Variants in CABP7 observed in about 807,000 individuals in gnomAD.
CABP7 encodes the protein calcium-binding protein 7.
Under a neutral mutation model 23.1 loss-of-function variants are expected in CABP7, and 13 were observed. The ratio of observed to expected loss-of-function variants is 0.56; its 90% CI spans 0.37 to 0.90. CABP7 has a LOEUF of 0.90. Among genes scored for constraint, CABP7 ranks in the 40% least tolerant of loss-of-function variants. The pLI, the probability that CABP7 is intolerant of heterozygous loss-of-function variation, is 0.01. For synonymous variants in CABP7, 123 were observed against 115.3 expected (o/e 1.07, Z -0.43); for missense variants, 248 against 295.6 (o/e 0.84, Z 1.18).
Position 29,731,630 on chromosome 22 carries a change from T to G in CABP7, c.*2061T>G. 2.4e-6 allele frequency: 1 copy of G among 410,486 alleles called. No individual in the cohort carries two copies. Among genetic ancestry groups the G allele is most frequent in the Non-Finnish European group, 4.3e-6 (1 of 231,438 alleles). 25.4% of individuals were successfully genotyped at this position (410,486 alleles called of 1,614,324 possible). A position where few individuals can be genotyped will look rare whatever the true frequency, so the allele number is the denominator to read the frequency against. On this transcript the variant is annotated 3_prime_UTR_variant, in exon 5 of 5. Coordinates refer to ENST00000216144, the MANE Select transcript of CABP7 (RefSeq NM_182527.3). ...GTCCACCTGTGGGGGACTGATTCAA[T>G]ACATATGCACGTCCACAGCAGAGAA...
chr22:29,727,878 A>G lies in CABP7; in HGVS notation c.253+73A>G. On this transcript the variant is annotated intron_variant, in intron 2 of 4. Transcript: ENST00000216144. This position sits in a 1 kb window ranked among gnomAD's most constrained non-coding sequence, Gnocchi z 4.2. Reference sequence around the variant, plus strand: ...GGGGTGGGGCAGGGGCTGGGGCCTGAGCTGCTGAGGCTGCATCCAAATTGG... The same window carrying G: ...GGGGTGGGGCAGGGGCTGGGGCCTGGGCTGCTGAGGCTGCATCCAAATTGG... 1 of 1,522,654 alleles carries G rather than the reference A, an allele frequency of 6.6e-7. No homozygotes were observed. Among genetic ancestry groups the G allele is most frequent in the East Asian group, 2.3e-5 (1 of 42,964 alleles). The allele number at this position is 1,522,654 out of a possible 1,614,324, so 94.3% of individuals were successfully genotyped here. A position where few individuals can be genotyped will look rare whatever the true frequency, so the allele number is the denominator to read the frequency against.
Position 29,727,775 on chromosome 22 carries a change from GAGGT to G in CABP7, c.224_227del (p.Glu75AlafsTer20). The G allele has an allele frequency of 6.2e-7, 1 of 1,612,162 alleles. No homozygotes were observed. Among genetic ancestry groups the G allele is most frequent in the Non-Finnish European group, 8.5e-7 (1 of 1,179,048 alleles). ...TTACATGCCCAACGAGGTGGAGCTG[GAGGT>G]CATCATCCAGCGGCTGGACATGGAT... On this transcript the variant is annotated frameshift_variant, in exon 2 of 5. Coordinates refer to ENST00000216144, the MANE Select transcript of CABP7 (RefSeq NM_182527.3). LOFTEE classifies it high-confidence loss of function. The surrounding 1 kb of genome is among the most constrained non-coding windows in gnomAD (Gnocchi z 4.2).
chr22:29,722,685 G>A (rs1340545273), intron 1 of CABP7, among the ~76,000 whole-genome samples: 2 of 152,246 alleles, frequency 1.3e-5, no homozygotes, highest in African/African-American at 4.8e-5. Flanking sequence ...TTCCTGGCAC[G>A]GATCCCCCTC....
Position 29,720,165 on chromosome 22 carries a change from G to C in CABP7, c.-260G>C, listed in dbSNP as rs1356264111. On this transcript the variant is annotated 5_prime_UTR_variant, in exon 1 of 5. Coordinates refer to ENST00000216144, the MANE Select transcript of CABP7 (RefSeq NM_182527.3). This position sits in a 1 kb window ranked among gnomAD's most constrained non-coding sequence, Gnocchi z 5.2. ...ACCGCGCGAGGCAGCCGGAGCTCTC[G>C]GAAAGGCCAGAGCGGCGCCGCCCCC... The C allele has an allele frequency of 6.8e-6, 1 of 146,936 alleles. No individual in the cohort carries two copies. Among genetic ancestry groups the C allele is most frequent in the Non-Finnish European group, 1.5e-5 (1 of 65,988 alleles). 9.1% of individuals were successfully genotyped at this position (146,936 alleles called of 1,614,324 possible). A position where few individuals can be genotyped will look rare whatever the true frequency, so the allele number is the denominator to read the frequency against.
chr22:29,728,267 G>A (rs1287589954), intron 2 of CABP7, among the ~76,000 whole-genome samples: 1 of 152,192 alleles, frequency 6.6e-6, no homozygotes, highest in Admixed American at 6.5e-5. Flanking sequence ...AGCCTTGGCA[G>A]GTTGCCCCAC....
Position 29,728,711 on chromosome 22 carries a change from A to T in CABP7, c.335A>T (p.His112Leu), listed in dbSNP as rs751864377. The stretch of plus-strand genomic sequence containing the variant: ...ACCTCAGGGATCCCAGAGAAGTTCC[A>T]TGGCACCGACTTTGATACTGTCTTC... ...LSTSGIPEKF[H>L]GTDFDTVFWK... is the part of the protein sequence containing the mutation. The change falls in exon 3 of 5, where the codon CAT becomes CTT. Residue 112 changes from histidine (H) to leucine (L), a missense_variant. Physicochemically the swap from His to Leu is moderately conservative, Grantham distance 99. Coordinates refer to ENST00000216144, the MANE Select transcript of CABP7 (RefSeq NM_182527.3). The T allele has an allele frequency of 1.9e-5, 31 of 1,613,588 alleles. No individual in the cohort carries two copies. Among genetic ancestry groups the T allele is most frequent in the Non-Finnish European group, 2.5e-5 (30 of 1,179,780 alleles).
intron 1 of CABP7, among the ~76,000 whole-genome samples, chr22:29,725,782 CGA>C (rs34674413): frequency 0.31 from 47,510 of 152,036 alleles, 7,536 homozygotes; most frequent in Non-Finnish European, 0.33. Flanking sequence ...CCCACAGGAC[CGA>C]GAGGGCCCCT....
In CABP7 at chr22:29,728,791, T is replaced by C. The variant is rs73390970; in HGVS notation, c.366+49T>C. 13,141 of 1,372,702 alleles carry C rather than the reference T, an allele frequency of 9.6e-3. 994 individuals are homozygous for C. In the African/African-American group the frequency reaches 0.16, roughly 17 times the overall value. The allele number at this position is 1,372,702 out of a possible 1,614,324, so 85.0% of individuals were successfully genotyped here. A position where few individuals can be genotyped will look rare whatever the true frequency, so the allele number is the denominator to read the frequency against. Reference sequence around the variant, plus strand: ...CAGGGCTGTGCACACTGTGGAGTTCTGTTCTGGAGCCAGTGAATGGCTGGG... The same window carrying C: ...CAGGGCTGTGCACACTGTGGAGTTCCGTTCTGGAGCCAGTGAATGGCTGGG... On this transcript the variant is annotated intron_variant, in intron 3 of 4. Coordinates refer to ENST00000216144, the MANE Select transcript of CABP7 (RefSeq NM_182527.3).
At chr22:29,726,585 C>T (rs534171007) in intron 1 of CABP7, among the ~76,000 whole-genome samples, 1 of 152,344 alleles carries the variant, frequency 6.6e-6, no homozygotes, top group South Asian at 2.1e-4. Flanking sequence ...CGTGTCTCTA[C>T]TTTTAAACAC....
rs542095847 is a variant in CABP7 at position 29,730,892 on chromosome 22, C to A, written c.*1323C>A. ...CTCATCTGATTCCCTCCTTGCCCGA[C>A]CTCTGCTAGGGGCTGGAGAACAGAG... On this transcript the variant is annotated 3_prime_UTR_variant, in exon 5 of 5. Coordinates refer to ENST00000216144, the MANE Select transcript of CABP7 (RefSeq NM_182527.3). 1.1e-5 allele frequency: 2 copies of A among 189,370 alleles called. No individual in the cohort carries two copies. The highest frequency in any genetic ancestry group is 4.7e-5 in the African/African-American group (2 of 42,988). 11.7% of individuals were successfully genotyped at this position (189,370 alleles called of 1,614,324 possible). A position where few individuals can be genotyped will look rare whatever the true frequency, so the allele number is the denominator to read the frequency against.
chr22:29,728,807 A>G (rs968352023), intron 3 of CABP7, 65 bp downstream of exon 3: 1 of 1,255,898 alleles, frequency 8.0e-7, no homozygotes, highest in Non-Finnish European at 1.2e-6. Flanking sequence ...GGAGCCAGTG[A>G]ATGGCTGGGC....
chr22:29,729,081 T>C lies in CABP7; in HGVS notation c.393T>C (p.Asp131=), dbSNP rs760299787. The stretch of plus-strand genomic sequence containing the variant: ...GCGACATGCAGAAGCTGACGGTGGA[T>C]GAGCTGAAGCGGCTGCTCTACGACA... ...WKCDMQKLTV[D]ELKRLLYDTF... The change falls in exon 4 of 5, where the codon GAT becomes GAC. Residue 131 remains aspartate (D), a synonymous_variant. Coordinates refer to ENST00000216144, the MANE Select transcript of CABP7 (RefSeq NM_182527.3). The C allele has an allele frequency of 6.2e-7, 1 of 1,611,490 alleles. No individual in the cohort carries two copies. The highest frequency in any genetic ancestry group is 1.7e-5 in the Admixed American group (1 of 60,026).
chr22:29,729,023 T>C, intron 3 of CABP7, 32 bp from the exon 4 acceptor site: 1 of 1,599,434 alleles, frequency 6.3e-7, no homozygotes. Context: ...CTGCGGTGGC[T>C]CTCAGAGCAC....
At position 29,720,546 on chromosome 22, in the gene CABP7, C is replaced by CGCT; in HGVS notation, c.109+14_109+15insCTG. 1 of 1,508,100 alleles carries CGCT rather than the reference C, an allele frequency of 6.6e-7. No individual in the cohort carries two copies. The highest frequency in any genetic ancestry group is 8.9e-7 in the Non-Finnish European group (1 of 1,123,884). The allele number at this position is 1,508,100 out of a possible 1,614,324, so 93.4% of individuals were successfully genotyped here. A position where few individuals can be genotyped will look rare whatever the true frequency, so the allele number is the denominator to read the frequency against. On this transcript the variant is annotated intron_variant, in intron 1 of 4. Coordinates refer to ENST00000216144, the MANE Select transcript of CABP7 (RefSeq NM_182527.3). This position sits in a 1 kb window ranked among gnomAD's most constrained non-coding sequence, Gnocchi z 5.2. ...GACGAGCTGGAGGGTGAGTGTCCGC[C>CGCT]GGGATCCCCGCCCCGGCGGCCCTCC... is the stretch of plus-strand genomic sequence containing the variant.
intron 1 of CABP7, among the ~76,000 whole-genome samples, chr22:29,722,087 G>A (rs1224471285): frequency 1.3e-5 from 2 of 152,022 alleles, no homozygotes; most frequent in African/African-American, 2.4e-5. Flanking sequence ...CCCTCCTCCT[G>A]ACCATCCAAG....
chr22:29,727,910 C>G lies in CABP7; in HGVS notation c.253+105C>G, dbSNP rs1235775187. 7.7e-7 allele frequency: 1 copy of G among 1,305,244 alleles called. No individual in the cohort carries two copies. Among genetic ancestry groups the G allele is most frequent in the African/African-American group, 1.5e-5 (1 of 67,146 alleles). 80.9% of individuals were successfully genotyped at this position (1,305,244 alleles called of 1,614,324 possible). ...GAGGCTGCATCCAAATTGGGTCTCT[C>G]GCTCCCCTGACTCCCACCCTCAAAG... On this transcript the variant is annotated intron_variant, in intron 2 of 4. Coordinates refer to ENST00000216144, the MANE Select transcript of CABP7 (RefSeq NM_182527.3). The surrounding 1 kb of genome is among the most constrained non-coding windows in gnomAD (Gnocchi z 4.2).
intron 1 of CABP7, among the ~76,000 whole-genome samples, chr22:29,726,406 G>C (rs1219642898): frequency 2.0e-5 from 3 of 152,174 alleles, no homozygotes; most frequent in Non-Finnish European, 4.4e-5. Flanking sequence ...CCCGAGACTA[G>C]GGAATGACTC....
In CABP7 at chr22:29,720,932, G is replaced by T. The variant is rs1285344525; in HGVS notation, c.109+399G>T. Among the ~76,000 whole-genome samples, 1 of 152,006 alleles carries T rather than the reference G, an allele frequency of 6.6e-6. No homozygotes were observed. The highest frequency in any genetic ancestry group is 1.9e-4 in the East Asian group (1 of 5,158). On this transcript the variant is annotated intron_variant, in intron 1 of 4. Transcript: ENST00000216144. This position sits in a 1 kb window ranked among gnomAD's most constrained non-coding sequence, Gnocchi z 5.2. Reference sequence around the variant, plus strand: ...ATCCCCTCCGCGGCGCCCGCCCGCGGCTCTCTGCTCGCATTGACATTCCGC... The same window carrying T: ...ATCCCCTCCGCGGCGCCCGCCCGCGTCTCTCTGCTCGCATTGACATTCCGC...
chr22:29,726,520 G>C (rs2067796495), intron 1 of CABP7, among the ~76,000 whole-genome samples: 1 of 152,372 alleles, frequency 6.6e-6, no homozygotes, highest in Non-Finnish European at 1.5e-5. Flanking sequence ...CTGACTCTGG[G>C]CCGGCCGCTG....
Sources: gnomAD v4.1 joint callset for allele counts (sites outside exome capture counted in the v4.1 genomes callset) on GRCh38, gnomAD v4.1.1 for gene constraint, Gnocchi (gnomAD v3.1) non-coding constraint, MANE v1.5 for transcripts, NCBI Gene and HGNC (gene_info 2026-07-23, HGNC 2026-07-21) for gene names.